The following CSMD1 variants were observed in gnomAD, a reference collection of about 807,000 sequenced individuals.
CSMD1 encodes CUB and sushi domain-containing protein 1.
Under a neutral mutation model 417.5 loss-of-function variants are expected in CSMD1, and 213 were observed. That is an observed-to-expected ratio of 0.51 (90% CI 0.46 to 0.57). The LOEUF is 0.57. Ranked by LOEUF, CSMD1 falls within the 20% of genes least tolerant of loss-of-function variation. The pLI is 0.00. For missense variants in CSMD1, 6,923 were observed against 4,529.7 expected, an observed-to-expected ratio of 1.53 and a Z score of -15.17; for synonymous variants, 2,862 against 1,736.8, an observed-to-expected ratio of 1.65 and a Z score of -16.11.
intron 5 of CSMD1, among the ~76,000 whole-genome samples, chr8:3,757,208 C>A (rs926439205): frequency 6.6e-6 from 1 of 152,144 alleles, no homozygotes; most frequent in Non-Finnish European, 1.5e-5. Flanking sequence ...TCTGTATTTC[C>A]AAATACCTAC....
At chr8:4,879,211 G>A (rs1475626597) in intron 1 of CSMD1, among the ~76,000 whole-genome samples, 4 of 152,066 alleles carry the variant, frequency 2.6e-5, no homozygotes, top group East Asian at 3.9e-4. Flanking sequence ...AATGGCTGCA[G>A]CGTTTCATGA....
intron 52 of CSMD1, among the ~76,000 whole-genome samples, chr8:3,012,655 A>G (rs986891050): frequency 1.5e-4 from 23 of 152,222 alleles, no homozygotes; most frequent in African/African-American, 5.5e-4. Context: ...AAGTTAATCT[A>G]AAGAACCAAA....
chr8:3,335,217 C>CT (rs2117564087), intron 23 of CSMD1, among the ~76,000 whole-genome samples: 1 of 152,230 alleles, frequency 6.6e-6, no homozygotes, highest in South Asian at 2.1e-4. Context: ...CTAATGGTTC[C>CT]TTTTGCCCAT....
intron 12 of CSMD1, among the ~76,000 whole-genome samples, chr8:3,438,037 G>C (rs1814690172): frequency 6.6e-6 from 1 of 152,120 alleles, no homozygotes; most frequent in African/African-American, 2.4e-5. Context: ...AGAGGTTTTT[G>C]TACAAATAAG....
intron 1 of CSMD1, among the ~76,000 whole-genome samples, chr8:4,902,034 C>G (rs963640591): frequency 2.0e-5 from 3 of 152,110 alleles, no homozygotes; most frequent in South Asian, 2.1e-4. Context: ...TGCAAACATA[C>G]TGTGGCTTTG....
chr8:3,752,104 G>A lies in CSMD1; in HGVS notation c.931+1826C>T, dbSNP rs545850684. ...CCTGGGTGTGCACCCACCTCCCACC[G>A]CCAACACGTCCATCCCACCTTTACT... On this transcript the variant is annotated intron_variant, in intron 6 of 69. Transcript: ENST00000635120. Among the ~76,000 whole-genome samples the A allele has an allele frequency of 3.6e-4, 55 of 152,042 alleles. No homozygotes were observed. In the East Asian group the frequency reaches 8.1e-3, roughly 22 times the overall value.
chr8:4,070,297 A>G (rs1294905701), intron 3 of CSMD1, among the ~76,000 whole-genome samples: 1 of 152,172 alleles, frequency 6.6e-6, no homozygotes, highest in Non-Finnish European at 1.5e-5. Context: ...TTTTACTTAA[A>G]AAGTCTCATG....
At chr8:3,223,708 G>T in intron 28 of CSMD1, 21 bp downstream of exon 28, 2 of 1,612,040 alleles carry the variant, frequency 1.2e-6, no homozygotes, top group Non-Finnish European at 8.5e-7. Flanking sequence ...CTAAAAAGAG[G>T]TATTCTGCAA....
rs73659141 is a variant in CSMD1 at position 4,602,135 on chromosome 8, C to G, written c.302+35207G>C. On this transcript the variant is annotated intron_variant, in intron 2 of 69. Coordinates refer to ENST00000635120, the MANE Select transcript of CSMD1 (RefSeq NM_033225.6). Reference sequence around the variant, plus strand: ...CCTCAGGAAAATCTTTCTGCTCCCCCAGTTCCCTAAGGTGAACTGGCTTAA... The same window carrying G: ...CCTCAGGAAAATCTTTCTGCTCCCCGAGTTCCCTAAGGTGAACTGGCTTAA... 2.5e-3 allele frequency among the ~76,000 whole-genome samples: 380 copies of G among 152,302 alleles called. 2 individuals carry two copies. The highest frequency in any genetic ancestry group is 8.8e-3 in the African/African-American group (366 of 41,572).
chr8:3,486,312 G>C (rs755474854), intron 11 of CSMD1, among the ~76,000 whole-genome samples: 19 of 152,132 alleles, frequency 1.2e-4, no homozygotes, highest in African/African-American at 3.9e-4. Context: ...ACAATCCATT[G>C]AGGGTAAAAG....
intron 3 of CSMD1, among the ~76,000 whole-genome samples, chr8:4,339,683 G>C (rs578130277): frequency 1.1e-4 from 17 of 152,070 alleles, no homozygotes; most frequent in African/African-American, 4.1e-4. Context: ...TGGCCAAACA[G>C]TTTCCAGGTT....
chr8:3,349,663 T>A (rs1229372998), intron 21 of CSMD1, among the ~76,000 whole-genome samples: 12 of 150,774 alleles, frequency 8.0e-5, no homozygotes. Flanking sequence ...ATAATTATAA[T>A]TCTGTAAAAA....
chr8:3,339,226 A>G (rs1263238102), intron 23 of CSMD1, among the ~76,000 whole-genome samples: 2 of 152,008 alleles, frequency 1.3e-5, no homozygotes, highest in Non-Finnish European at 2.9e-5. Context: ...TTCTTGATCC[A>G]GCCTTTCAGT....
At chr8:4,257,125 T>G (rs1490154939) in intron 3 of CSMD1, among the ~76,000 whole-genome samples, 2 of 152,226 alleles carry the variant, frequency 1.3e-5, no homozygotes. Flanking sequence ...TGAGTCATAC[T>G]CACCACATTT....
At chr8:4,842,040 G>C (rs868652174) in intron 1 of CSMD1, among the ~76,000 whole-genome samples, 4 of 151,652 alleles carry the variant, frequency 2.6e-5, no homozygotes, top group African/African-American at 9.7e-5. Context: ...AGCTGAGAGA[G>C]ATGCTTTTCA....
intron 2 of CSMD1, among the ~76,000 whole-genome samples, chr8:4,450,732 A>G (rs1799090658): frequency 1.3e-5 from 2 of 152,224 alleles, no homozygotes; most frequent in Admixed American, 6.5e-5. Flanking sequence ...AACATTTAAC[A>G]GAATAGCAAC....
Position 4,402,710 on chromosome 8 carries a change from C to A in CSMD1, c.415+17243G>T, listed in dbSNP as rs541222072. ...AAAATAGAAGCAATGTGAAAACAGC[C>A]GTCATATCCTTCTCTCACCTCATTC... On this transcript the variant is annotated intron_variant, in intron 3 of 69. Coordinates refer to ENST00000635120, the MANE Select transcript of CSMD1 (RefSeq NM_033225.6). Among the ~76,000 whole-genome samples, 34 of 151,684 alleles carry A rather than the reference C, an allele frequency of 2.2e-4. 1 individual carries two copies. Among genetic ancestry groups the A allele is most frequent in the Admixed American group, 1.9e-3 (29 of 15,258 alleles).
intron 37 of CSMD1, among the ~76,000 whole-genome samples, chr8:3,163,478 G>A (rs912560047): frequency 1.3e-5 from 2 of 151,814 alleles, no homozygotes; most frequent in Non-Finnish European, 2.9e-5. Flanking sequence ...GTGGTCCCCA[G>A]GCACAGAGAG....
chr8:3,288,364 A>T (rs1342060430), intron 25 of CSMD1, among the ~76,000 whole-genome samples: 1 of 147,340 alleles, frequency 6.8e-6, no homozygotes, highest in Middle Eastern at 3.4e-3. Flanking sequence ...GAATAGTTTC[A>T]GAAGGAATGG....
Sources: gnomAD v4.1 joint callset for allele counts (sites outside exome capture counted in the v4.1 genomes callset) on GRCh38, gnomAD v4.1.1 for gene constraint, MANE v1.5 for transcripts, NCBI Gene and HGNC (gene_info 2026-07-23, HGNC 2026-07-21) for gene names.